RHOBTB1: variants seen among roughly 807,000 people sequenced by gnomAD.
RHOBTB1 encodes rho-related BTB domain-containing protein 1.
Under a neutral mutation model 71.6 loss-of-function variants are expected in RHOBTB1, and 40 were observed. The ratio of observed to expected loss-of-function variants is 0.56; its 90% confidence interval spans 0.43 to 0.73. RHOBTB1 has a LOEUF of 0.73. RHOBTB1 is among the 30% of genes least tolerant of loss of function. The pLI is 0.00. For synonymous variants in RHOBTB1, 319 were observed against 334.9 expected, an observed-to-expected ratio of 0.95 and a Z score of 0.52; for missense variants, 797 against 894.0, an observed-to-expected ratio of 0.89 and a Z score of 1.38.
At chr10:60,901,749 C>T (rs1422162569) in intron 4 of RHOBTB1, among the ~76,000 whole-genome samples, 3 of 152,182 alleles carry the variant, frequency 2.0e-5, no homozygotes, top group Non-Finnish European at 4.4e-5. Flanking sequence ...ACTTGTCAAG[C>T]TTCCTGTTAT....
At chr10:60,938,354 G>T (rs1486665199) in intron 2 of RHOBTB1, among the ~76,000 whole-genome samples, 1 of 152,168 alleles carries the variant, frequency 6.6e-6, no homozygotes, top group Admixed American at 6.5e-5. Context: ...ACTGGGCTCT[G>T]GCTGGGACTT....
At chr10:60,871,697 GC>G (rs763571807) in intron 10 of RHOBTB1, 46 bp from the exon 11 acceptor site, 1 of 1,563,614 alleles carries the variant, frequency 6.4e-7, no homozygotes, top group Non-Finnish European at 8.8e-7. Context: ...GTTCATTGAT[GC>G]CTTTTATGTG....
chr10:60,874,238 G>T (rs2080936477), intron 9 of RHOBTB1, among the ~76,000 whole-genome samples: 1 of 152,236 alleles, frequency 6.6e-6, no homozygotes, highest in African/African-American at 2.4e-5. Context: ...TTGTTAATCA[G>T]CCTGTGCCAG....
intron 2 of RHOBTB1, among the ~76,000 whole-genome samples, chr10:60,973,531 C>A (rs940487019): frequency 2.6e-5 from 4 of 151,882 alleles, no homozygotes; most frequent in Non-Finnish European, 5.9e-5. Context: ...ATAGAAACAT[C>A]AGAACTAAAT....
At chr10:60,936,195 T>C (rs760284512) in intron 2 of RHOBTB1, among the ~76,000 whole-genome samples, 3 of 152,172 alleles carry the variant, frequency 2.0e-5, no homozygotes, top group Non-Finnish European at 4.4e-5. Flanking sequence ...TCTTACTGAT[T>C]AACATAAAGG....
At position 60,871,249 on chromosome 10, in the gene RHOBTB1, T is replaced by C. The variant is rs190063445; in HGVS notation, c.*233A>G. 7.0e-4 allele frequency: 277 copies of C among 395,542 alleles called. 5 individuals are homozygous for C. The East Asian group carries it at 8.8e-3, about 13-fold the overall frequency. 24.5% of individuals were successfully genotyped at this position (395,542 alleles called of 1,614,324 possible). ...AGCCTCCTAACAAAAAAAATATACA[T>C]ATCAGTTTAAGGAATGCAGTGAGAG... On this transcript the variant is annotated 3_prime_UTR_variant, in exon 11 of 11. Coordinates refer to ENST00000337910, the MANE Select transcript of RHOBTB1 (RefSeq NM_014836.5).
intron 2 of RHOBTB1, among the ~76,000 whole-genome samples, chr10:60,966,304 G>GAAA (rs143857492): frequency 7.2e-6 from 1 of 137,956 alleles, no homozygotes; most frequent in Non-Finnish European, 1.6e-5. Context: ...GATTATATTC[G>GAAA]AAAAAAAAAA....
intron 2 of RHOBTB1, among the ~76,000 whole-genome samples, chr10:60,951,915 G>A (rs893110018): frequency 9.1e-5 from 13 of 142,776 alleles, no homozygotes; most frequent in Middle Eastern, 3.7e-3. Context: ...AAAATTAGCC[G>A]GGCATGCTGG....
intron 2 of RHOBTB1, among the ~76,000 whole-genome samples, chr10:60,926,498 C>G (rs1248457883): frequency 6.6e-6 from 1 of 152,102 alleles, no homozygotes; most frequent in Non-Finnish European, 1.5e-5. Context: ...GCTAGCAAAT[C>G]AAATTCAACA....
intron 2 of RHOBTB1, among the ~76,000 whole-genome samples, chr10:60,921,177 A>G (rs988693313): frequency 6.6e-6 from 1 of 151,816 alleles, no homozygotes; most frequent in African/African-American, 2.4e-5. Context: ...TGAACTCTTG[A>G]TCTCAGGTGA....
At chr10:60,953,821 C>A (rs1277787570) in intron 2 of RHOBTB1, among the ~76,000 whole-genome samples, 1 of 151,846 alleles carries the variant, frequency 6.6e-6, no homozygotes. Context: ...AATAGAAACA[C>A]AAAGACACAT....
At chr10:60,970,614 A>G (rs575579346) in intron 2 of RHOBTB1, among the ~76,000 whole-genome samples, 7 of 152,144 alleles carry the variant, frequency 4.6e-5, no homozygotes, top group Non-Finnish European at 5.9e-5. Flanking sequence ...GGACAGTAGC[A>G]TAATTATTTT....
At chr10:60,885,966 C>A in intron 7 of RHOBTB1, 146 bp downstream of exon 7, 1 of 691,380 alleles carries the variant, frequency 1.4e-6, no homozygotes, top group Non-Finnish European at 2.6e-6. Flanking sequence ...AGCAATAGCT[C>A]CTTATGATTA....
rs571174534 is a variant in RHOBTB1 at position 60,952,987 on chromosome 10, G to A, written c.-61-11133C>T. Among the ~76,000 whole-genome samples the A allele has an allele frequency of 6.6e-5, 10 of 152,132 alleles. No individual in the cohort carries two copies. In the South Asian group the frequency reaches 2.1e-3, roughly 32 times the overall value. On this transcript the variant is annotated intron_variant, in intron 2 of 11. Transcript: ENST00000357917. The stretch of plus-strand genomic sequence containing the variant: ...ACGCAAGCTTTAGTTCATTCCTTGG[G>A]ATTTCCTTAACAAATTAAACTATTG...
intron 2 of RHOBTB1, among the ~76,000 whole-genome samples, chr10:60,920,185 C>T (rs939325436): frequency 6.6e-6 from 1 of 152,158 alleles, no homozygotes; most frequent in Non-Finnish European, 1.5e-5. Flanking sequence ...AAATTACATG[C>T]TAAGCACTGA....
intron 2 of RHOBTB1, among the ~76,000 whole-genome samples, chr10:60,917,309 T>C (rs1432671232): frequency 6.6e-6 from 1 of 151,976 alleles, no homozygotes; most frequent in Non-Finnish European, 1.5e-5. Flanking sequence ...TAAAACCTTA[T>C]TCAGATATCC....
intron 2 of RHOBTB1, among the ~76,000 whole-genome samples, chr10:60,966,508 TA>T (rs968459395): frequency 2.3e-3 from 330 of 142,074 alleles, no homozygotes; most frequent in African/African-American, 3.2e-3. Flanking sequence ...TATCTCTAAT[TA>T]AAAAAAAAAA....
chr10:60,911,082 T>G (rs2133384974), intron 3 of RHOBTB1, 92 bp from the exon 4 acceptor site: 1 of 955,188 alleles, frequency 1.0e-6, no homozygotes, highest in African/African-American at 1.6e-5. Context: ...GTGCCATCAA[T>G]TCACTTGCAT....
intron 4 of RHOBTB1, among the ~76,000 whole-genome samples, chr10:60,900,064 G>A (rs966126771): frequency 1.3e-5 from 2 of 152,184 alleles, no homozygotes; most frequent in African/African-American, 2.4e-5. Flanking sequence ...CCTGGAGGAA[G>A]GGACCATGCC....
Sources: allele counts gnomAD v4.1 joint callset (sites outside exome capture counted in the v4.1 genomes callset), GRCh38; gene constraint gnomAD v4.1.1; transcripts MANE v1.5; gene names NCBI Gene and HGNC (gene_info 2026-07-23, HGNC 2026-07-21).